Variants in ACBD6 observed in about 807,000 individuals in gnomAD.
ACBD6 encodes acyl-CoA binding domain containing 6.
Under a neutral mutation model 37.2 loss-of-function variants are expected in ACBD6, and 28 were observed. The ratio of observed to expected loss-of-function variants is 0.75; its 90% CI spans 0.56 to 1.03. The LOEUF (loss-of-function observed/expected upper bound fraction) is 1.03, where lower values mean the gene tolerates loss of function less well. ACBD6 is among the 50% of genes least tolerant of loss of function. ACBD6 has a pLI of 0.00. For synonymous variants in ACBD6, 113 were observed against 126.8 expected (o/e 0.89, Z 0.73); for missense variants, 340 against 337.4 (o/e 1.01, Z -0.06).
intron 6 of ACBD6, among the ~76,000 whole-genome samples, chr1:180,386,427 G>A (rs1653847251): frequency 6.6e-6 from 1 of 152,004 alleles, no homozygotes; most frequent in Non-Finnish European, 1.5e-5. Flanking sequence ...TCTGTCTATG[G>A]TTCTCTCAGC....
chr1:180,300,156 A>T (rs1650076358), intron 7 of ACBD6, among the ~76,000 whole-genome samples: 1 of 152,200 alleles, frequency 6.6e-6, no homozygotes, highest in African/African-American at 2.4e-5. Flanking sequence ...TTCATAAAAA[A>T]TAATAACTAA....
intron 3 of ACBD6, among the ~76,000 whole-genome samples, chr1:180,485,154 C>G (rs1451236639): frequency 2.6e-5 from 4 of 151,814 alleles, no homozygotes; most frequent in Non-Finnish European, 5.9e-5. Context: ...TCTGAGAGGG[C>G]CTAGAAGCAA....
chr1:180,323,406 ATC>A (rs1311488017), intron 6 of ACBD6, among the ~76,000 whole-genome samples: 2 of 152,218 alleles, frequency 1.3e-5, no homozygotes, highest in African/African-American at 4.8e-5. Context: ...TTCTGTAAAT[ATC>A]TGTTAGATTC....
chr1:180,454,081 A>G (rs2102031402), intron 3 of ACBD6, among the ~76,000 whole-genome samples: 1 of 152,338 alleles, frequency 6.6e-6, no homozygotes, highest in East Asian at 1.9e-4. Flanking sequence ...ATCCTAAGCA[A>G]AAAGAACAAA....
intron 6 of ACBD6, among the ~76,000 whole-genome samples, chr1:180,391,076 G>T (rs1020331359): frequency 3.3e-5 from 5 of 152,016 alleles, no homozygotes; most frequent in Non-Finnish European, 5.9e-5. Flanking sequence ...TGACTTAATG[G>T]GGGAAAGAAC....
intron 3 of ACBD6, among the ~76,000 whole-genome samples, chr1:180,488,795 G>A (rs1031883123): frequency 2.0e-5 from 3 of 152,016 alleles, no homozygotes; most frequent in East Asian, 1.9e-4. Flanking sequence ...TGCCCAGGCT[G>A]CTCTCAAACT....
chr1:180,311,194 A>C (rs527242216), intron 7 of ACBD6, among the ~76,000 whole-genome samples: 2 of 152,322 alleles, frequency 1.3e-5, no homozygotes, highest in South Asian at 4.1e-4. Context: ...CTAAGCCATG[A>C]CACACGGTGT....
At chr1:180,415,188 G>A (rs1648034317) in intron 4 of ACBD6, among the ~76,000 whole-genome samples, 1 of 152,096 alleles carries the variant, frequency 6.6e-6, no homozygotes, top group African/African-American at 2.4e-5. Flanking sequence ...CATAAGGTCA[G>A]GAGTTCGAAA....
intron 3 of ACBD6, among the ~76,000 whole-genome samples, chr1:180,479,970 T>C (rs549772939): frequency 4.6e-5 from 7 of 151,964 alleles, no homozygotes; most frequent in African/African-American, 2.4e-5. Context: ...GCCTGGGTGA[T>C]AGAGCCAGAC....
chr1:180,459,765 G>A (rs1005053787), intron 3 of ACBD6, among the ~76,000 whole-genome samples: 5 of 151,932 alleles, frequency 3.3e-5, no homozygotes, highest in Non-Finnish European at 7.4e-5. Flanking sequence ...ATGCTTATAC[G>A]GGGAAAAGAT....
At chr1:180,292,942 G>A (rs563418830) in intron 7 of ACBD6, among the ~76,000 whole-genome samples, 3 of 152,214 alleles carry the variant, frequency 2.0e-5, no homozygotes, top group East Asian at 1.9e-4. Flanking sequence ...TAATCATGAA[G>A]GGAAGTTGAA....
At chr1:180,336,821 G>A (rs1444753691) in intron 6 of ACBD6, among the ~76,000 whole-genome samples, 5 of 152,054 alleles carry the variant, frequency 3.3e-5, no homozygotes, top group African/African-American at 4.8e-5. Context: ...TGATAAAGGG[G>A]ACATCACCAC....
intron 6 of ACBD6, among the ~76,000 whole-genome samples, chr1:180,396,942 A>G (rs1654282421): frequency 6.6e-6 from 1 of 152,188 alleles, no homozygotes; most frequent in Non-Finnish European, 1.5e-5. Context: ...CTCCACTCCT[A>G]TGTCTACAAC....
At chr1:180,304,150 A>G (rs959718885) in intron 7 of ACBD6, among the ~76,000 whole-genome samples, 3 of 150,952 alleles carry the variant, frequency 2.0e-5, no homozygotes, top group Non-Finnish European at 4.4e-5. Flanking sequence ...AGCCAATATC[A>G]TACTGAATGG....
rs904520160 is a variant in ACBD6 at position 180,502,516 on chromosome 1, G to T, written c.-250C>A. 3.9e-5 allele frequency: 21 copies of T among 539,548 alleles called. No homozygotes were observed. The highest frequency in any genetic ancestry group is 3.8e-4 in the African/African-American group (20 of 52,686). The allele number at this position is 539,548 out of a possible 1,614,324, so 33.4% of individuals were successfully genotyped here. A position where few individuals can be genotyped will look rare whatever the true frequency, so the allele number is the denominator to read the frequency against. On this transcript the variant is annotated 5_prime_UTR_variant, in exon 1 of 8. Coordinates refer to ENST00000367595, the MANE Select transcript of ACBD6 (RefSeq NM_032360.4). ...ACCCGGTCTCCTCCGGCTTCCCTCC[G>T]GCCAACAGCGCGCTCAGGCTCGCCT...
intron 3 of ACBD6, among the ~76,000 whole-genome samples, chr1:180,474,768 C>T (rs12024155): frequency 6.6e-6 from 1 of 152,072 alleles, no homozygotes; most frequent in Admixed American, 6.6e-5. Flanking sequence ...TACTTTTGTA[C>T]CAGTGTATTT....
chr1:180,488,881 T>G (rs1407137837), intron 3 of ACBD6, among the ~76,000 whole-genome samples: 1 of 152,196 alleles, frequency 6.6e-6, no homozygotes, highest in Non-Finnish European at 1.5e-5. Flanking sequence ...ACACCTGGCC[T>G]TAGCTGGCTA....
intron 3 of ACBD6, among the ~76,000 whole-genome samples, chr1:180,430,591 T>C (rs1648772873): frequency 6.6e-6 from 1 of 150,814 alleles, no homozygotes; most frequent in Non-Finnish European, 1.5e-5. Context: ...GAAAAATAAA[T>C]CCCAGACATG....
intron 6 of ACBD6, among the ~76,000 whole-genome samples, chr1:180,389,403 G>T (rs1246474592): frequency 2.0e-5 from 3 of 152,144 alleles, no homozygotes; most frequent in Non-Finnish European, 4.4e-5. Context: ...GTCTATCATT[G>T]TTGGACATTT....
Sources: allele counts gnomAD v4.1 joint callset (sites outside exome capture counted in the v4.1 genomes callset), GRCh38; gene constraint gnomAD v4.1.1; transcripts MANE v1.5; gene names NCBI Gene and HGNC (gene_info 2026-07-23, HGNC 2026-07-21).